Variants in PCDHGB4 observed in about 807,000 individuals in gnomAD.
PCDHGB4 encodes the protein protocadherin gamma-B4.
Under a neutral mutation model 60.5 loss-of-function variants are expected in PCDHGB4, and 38 were observed. The observed-to-expected ratio is 0.63, with a 90% CI of 0.48 to 0.82. The LOEUF (loss-of-function observed/expected upper bound fraction) is 0.82, where lower values mean the gene tolerates loss of function less well. PCDHGB4 is among the 40% of genes least tolerant of loss of function. The probability of loss-of-function intolerance (pLI) is 0.00; values close to 1 mark genes in which losing one functional copy is unlikely to be tolerated. For synonymous variants in PCDHGB4, 456 were observed against 509.7 expected, an observed-to-expected ratio of 0.89 and a Z score of 1.42; for missense variants, 1,109 against 1,209.6, an observed-to-expected ratio of 0.92 and a Z score of 1.23.
intron 1 of PCDHGB4, chr5:141,442,491 T>G (rs1438583747): frequency 6.6e-6 from 1 of 152,236 alleles, no homozygotes; most frequent in Non-Finnish European, 1.5e-5. Flanking sequence ...AGGGGATGAT[T>G]GTGATTATTC....
intron 1 of PCDHGB4, among the ~76,000 whole-genome samples, chr5:141,420,868 G>C (rs1479734969): frequency 6.6e-6 from 1 of 152,222 alleles, no homozygotes; most frequent in Non-Finnish European, 1.5e-5. Context: ...GTCACATAAT[G>C]TAAGTATTGT....
At chr5:141,407,013 C>T (rs550387003) in intron 1 of PCDHGB4, among the ~76,000 whole-genome samples, 28 of 152,216 alleles carry the variant, frequency 1.8e-4, no homozygotes, top group Middle Eastern at 6.8e-3. Context: ...TTGAAGTTGA[C>T]TCAAAATTCT....
intron 1 of PCDHGB4, chr5:141,419,908 C>T: frequency 1.2e-6 from 2 of 1,613,976 alleles, no homozygotes; most frequent in Non-Finnish European, 1.7e-6. Context: ...CACCCTCTGA[C>T]TCCCAGGCTG....
chr5:141,413,833 G>A (rs917295013), intron 1 of PCDHGB4: 1 of 1,613,276 alleles, frequency 6.2e-7, no homozygotes, highest in Non-Finnish European at 8.5e-7. Context: ...CACCGCCTCC[G>A]ACGGGGGTGA....
chr5:141,412,415 T>C (rs897201034), intron 1 of PCDHGB4: 5 of 152,248 alleles, frequency 3.3e-5, no homozygotes, highest in Non-Finnish European at 4.4e-5. Context: ...AGATAAAGTA[T>C]GTTTTACACA....
At chr5:141,398,850 A>G in intron 1 of PCDHGB4, 20 of 1,613,982 alleles carry the variant, frequency 1.2e-5, no homozygotes, top group Non-Finnish European at 1.6e-5. Flanking sequence ...ATCCCCCGGT[A>G]TTCAACCGAG....
intron 1 of PCDHGB4, among the ~76,000 whole-genome samples, chr5:141,464,440 T>C (rs566597587): frequency 6.6e-6 from 1 of 151,608 alleles, no homozygotes; most frequent in South Asian, 2.1e-4. Context: ...TATATGTTTG[T>C]TGTTGTTGTT....
At chr5:141,415,640 T>C in intron 1 of PCDHGB4, 1 of 1,594,726 alleles carries the variant, frequency 6.3e-7, no homozygotes, top group Non-Finnish European at 8.5e-7. Context: ...TTTACTTTTG[T>C]TAAAAAAAAA....
rs966291038 is a variant in PCDHGB4, at chr5:141,487,740, G to A, written c.2398-7067G>A. 4 of 1,562,290 alleles carry A rather than the reference G, an allele frequency of 2.6e-6. No individual in the cohort carries two copies. The highest frequency in any genetic ancestry group is 1.7e-6 in the Non-Finnish European group (2 of 1,151,972). On this transcript the variant is annotated intron_variant, in intron 1 of 3. Transcript: ENST00000519479. The surrounding 1 kb of genome is among the most constrained non-coding windows in gnomAD (Gnocchi z 5.0). ...CATAGTGATGTCACCATTTTTGTAAGAGGTAACTATGTGGTAGACGCTGTG... is the reference window on the plus strand; with the variant it reads ...CATAGTGATGTCACCATTTTTGTAAAAGGTAACTATGTGGTAGACGCTGTG...
intron 2 of PCDHGB4, among the ~76,000 whole-genome samples, chr5:141,496,733 C>A (rs1221912777): frequency 6.6e-6 from 1 of 152,138 alleles, no homozygotes; most frequent in Non-Finnish European, 1.5e-5. Context: ...TGTATTCATT[C>A]GTTCATTTAT....
Position 141,476,114 on chromosome 5 carries a change from G to A in PCDHGB4, c.2398-18693G>A. Reference sequence around the variant, plus strand: ...CCGCTGAGAGGAACTGCTTTTGAGTGAGATGGTCCCAGAGGCCTGGAGGAG... The same window carrying A: ...CCGCTGAGAGGAACTGCTTTTGAGTAAGATGGTCCCAGAGGCCTGGAGGAG... On this transcript the variant is annotated intron_variant, in intron 1 of 3. Coordinates refer to ENST00000519479, the MANE Select transcript of PCDHGB4 (RefSeq NM_003736.4). The surrounding 1 kb of genome is among the most constrained non-coding windows in gnomAD (Gnocchi z 7.6). 6.3e-7 allele frequency: 1 copy of A among 1,592,296 alleles called. No individual in the cohort carries two copies. The highest frequency in any genetic ancestry group is 8.5e-7 in the Non-Finnish European group (1 of 1,171,536).
At chr5:141,484,968 C>A (rs2099604490) in intron 1 of PCDHGB4, 2 of 585,734 alleles carry the variant, frequency 3.4e-6, no homozygotes, top group African/African-American at 3.7e-5. Context: ...GCCCGGGAGC[C>A]GCTGTCTGCC....
In PCDHGB4 at chr5:141,490,925, C is replaced by T; in HGVS notation, c.2398-3882C>T. 1 of 1,613,688 alleles carries T rather than the reference C, an allele frequency of 6.2e-7. No homozygotes were observed. The highest frequency in any genetic ancestry group is 8.5e-7 in the Non-Finnish European group (1 of 1,179,700). On this transcript the variant is annotated intron_variant, in intron 1 of 3. Coordinates refer to ENST00000519479, the MANE Select transcript of PCDHGB4 (RefSeq NM_003736.4). The surrounding 1 kb of genome is among the most constrained non-coding windows in gnomAD (Gnocchi z 5.4). ...GTCCTAGACGAGAATGATAATGCCC[C>T]AGCTGTGCTGCACCCACGGCCAGAC... is the stretch of plus-strand genomic sequence containing the variant.
chr5:141,397,353 AG>A (rs556761818), intron 1 of PCDHGB4, among the ~76,000 whole-genome samples: 31 of 152,340 alleles, frequency 2.0e-4, no homozygotes, highest in Non-Finnish European at 2.9e-4. Flanking sequence ...TAATATAGTC[AG>A]GAAGAGGAGA....
chr5:141,430,885 C>G, intron 1 of PCDHGB4: 1 of 1,605,218 alleles, frequency 6.2e-7, no homozygotes, highest in Non-Finnish European at 8.5e-7. Context: ...TGGAGAAAGG[C>G]TCTAGGGTGG....
At chr5:141,420,527 G>T (rs368419425) in intron 1 of PCDHGB4, 3 of 349,150 alleles carry the variant, frequency 8.6e-6, no homozygotes, top group Non-Finnish European at 1.5e-5. Flanking sequence ...ATACCTTTCG[G>T]TTAAAAATAT....
intron 1 of PCDHGB4, chr5:141,399,431 T>A (rs757950073): frequency 3.1e-6 from 5 of 1,613,970 alleles, no homozygotes; most frequent in Admixed American, 3.3e-5. Context: ...ATAAGCGTCA[T>A]CCTACATATC....
chr5:141,433,221 A>G, intron 1 of PCDHGB4: 1 of 1,475,672 alleles, frequency 6.8e-7, no homozygotes, highest in African/African-American at 1.4e-5. Context: ...TTTTTTTTTT[A>G]ATTGCTCTGT....
At chr5:141,465,150 G>A (rs192648619) in intron 1 of PCDHGB4, among the ~76,000 whole-genome samples, 474 of 151,492 alleles carry the variant, frequency 3.1e-3, no homozygotes, top group Middle Eastern at 0.024. Context: ...GATATATGAA[G>A]GGACTCTAAA....
Sources: allele counts gnomAD v4.1 joint callset (sites outside exome capture counted in the v4.1 genomes callset), GRCh38; gene constraint gnomAD v4.1.1; non-coding constraint Gnocchi (gnomAD v3.1); transcripts MANE v1.5; gene names NCBI Gene and HGNC (gene_info 2026-07-23, HGNC 2026-07-21).